TPRG1: variants seen among roughly 807,000 people sequenced by gnomAD.
TPRG1 encodes the protein tumor protein p63-regulated gene 1 protein.
In TPRG1, 29 loss-of-function variants were observed where a neutral mutation model predicts 29.3. The ratio of observed to expected loss-of-function variants is 0.99; its 90% CI spans 0.74 to 1.35. The LOEUF is 1.35. TPRG1 is among the 40% of genes most tolerant of loss of function. The pLI is 0.00. For synonymous variants in TPRG1, 130 were observed against 116.8 expected (o/e 1.11, Z -0.73); for missense variants, 327 against 335.0 (o/e 0.98, Z 0.19).
chr3:189,278,499 T>C (rs1235853211), intron 4 of TPRG1, among the ~76,000 whole-genome samples: 1 of 152,216 alleles, frequency 6.6e-6, no homozygotes, highest in Non-Finnish European at 1.5e-5. Context: ...TAAATGATGC[T>C]ATGAACAATG....
intron 4 of TPRG1, among the ~76,000 whole-genome samples, chr3:189,305,951 T>C (rs1721565051): frequency 6.6e-6 from 1 of 152,220 alleles, no homozygotes; most frequent in South Asian, 2.1e-4. Context: ...CAGATCCAGC[T>C]GTTTTCCTTG....
chr3:189,313,320 G>A (rs1722999834), intron 5 of TPRG1: 1 of 152,160 alleles, frequency 6.6e-6, no homozygotes, highest in Non-Finnish European at 1.5e-5. Context: ...TAAATAAGAA[G>A]AAAGATAATT....
At chr3:189,196,712 C>A (rs868433500) in intron 1 of TPRG1, among the ~76,000 whole-genome samples, 2 of 152,080 alleles carry the variant, frequency 1.3e-5, no homozygotes, top group Non-Finnish European at 2.9e-5. Flanking sequence ...GGGACACAGC[C>A]AAATCATATC....
intron 4 of TPRG1, among the ~76,000 whole-genome samples, chr3:189,029,499 A>G (rs1351226559): frequency 6.6e-6 from 1 of 152,246 alleles, no homozygotes; most frequent in East Asian, 1.9e-4. Flanking sequence ...TTTCCCAAGC[A>G]GGCCCACACA....
At chr3:189,057,142 A>G (rs1715752786) in intron 4 of TPRG1, among the ~76,000 whole-genome samples, 1 of 152,192 alleles carries the variant, frequency 6.6e-6, no homozygotes, top group Admixed American at 6.5e-5. Flanking sequence ...GCACAGGCTG[A>G]GTGAGAAAAT....
intron 1 of TPRG1, among the ~76,000 whole-genome samples, chr3:189,172,909 C>G (rs548786431): frequency 6.6e-6 from 1 of 152,222 alleles, no homozygotes; most frequent in South Asian, 2.1e-4. Context: ...ATCATACAGG[C>G]CCTGGGGAAA....
At chr3:189,276,976 C>T (rs556117006) in intron 4 of TPRG1, among the ~76,000 whole-genome samples, 1 of 152,184 alleles carries the variant, frequency 6.6e-6, no homozygotes, top group South Asian at 2.1e-4. Context: ...TCATAGTAGC[C>T]TCCTCTCTTT....
chr3:189,116,013 T>C (rs931136458), intron 1 of TPRG1, among the ~76,000 whole-genome samples: 5 of 152,148 alleles, frequency 3.3e-5, no homozygotes, highest in African/African-American at 1.2e-4. Context: ...GTGGAGAAAC[T>C]GGAACCCTTG....
At chr3:189,283,833 CAG>C (rs1017358254) in intron 4 of TPRG1, among the ~76,000 whole-genome samples, 20 of 152,330 alleles carry the variant, frequency 1.3e-4, no homozygotes, top group African/African-American at 4.6e-4. Context: ...GTCTAGATCA[CAG>C]AGCTAGTAAC....
At chr3:189,109,667 A>G (rs1385810967) in intron 1 of TPRG1, among the ~76,000 whole-genome samples, 1 of 152,092 alleles carries the variant, frequency 6.6e-6, no homozygotes, top group Non-Finnish European at 1.5e-5. Context: ...ATCAATAACT[A>G]TTTTTCTTTT....
At chr3:189,259,499 C>CAACA (rs1712600806) in intron 4 of TPRG1, among the ~76,000 whole-genome samples, 1 of 114,386 alleles carries the variant, frequency 8.7e-6, no homozygotes, top group African/African-American at 3.4e-5. Context: ...AAGTCTTGCT[C>CAACA]TGTTGCCCAG....
intron 4 of TPRG1, among the ~76,000 whole-genome samples, chr3:189,043,605 T>C (rs1010578794): frequency 1.3e-5 from 2 of 152,178 alleles, no homozygotes; most frequent in African/African-American, 4.8e-5. Flanking sequence ...CTTAACTCCA[T>C]TACAATTTTT....
intron 5 of TPRG1, among the ~76,000 whole-genome samples, chr3:189,163,872 G>T (rs981901480): frequency 6.6e-6 from 1 of 152,070 alleles, no homozygotes; most frequent in Non-Finnish European, 1.5e-5. Flanking sequence ...CCTGAGGCAC[G>T]CTGGAAACCC....
At chr3:189,124,656 A>G (rs1722242935) in intron 1 of TPRG1, among the ~76,000 whole-genome samples, 1 of 152,076 alleles carries the variant, frequency 6.6e-6, no homozygotes. Context: ...GCAGGAGGCA[A>G]TGTCCTCTCC....
intron 4 of TPRG1, among the ~76,000 whole-genome samples, chr3:189,303,547 G>C (rs1268933590): frequency 1.3e-5 from 2 of 151,332 alleles, no homozygotes; most frequent in African/African-American, 4.9e-5. Flanking sequence ...ATTTTTTTTT[G>C]ACTACCAGTC....
intron 4 of TPRG1, among the ~76,000 whole-genome samples, chr3:189,302,813 G>A (rs1004773947): frequency 6.6e-6 from 1 of 152,100 alleles, no homozygotes; most frequent in Admixed American, 6.6e-5. Flanking sequence ...GAGAAAGAGG[G>A]TATTTTTATC....
intron 1 of TPRG1, among the ~76,000 whole-genome samples, chr3:189,192,702 G>T (rs1288390871): frequency 6.6e-6 from 1 of 152,080 alleles, no homozygotes; most frequent in African/African-American, 2.4e-5. Context: ...TATCATTGTG[G>T]TTTAATGGTT....
upstream of TPRG1, among the ~76,000 whole-genome samples, chr3:189,099,886 C>T (rs561800485): frequency 2.2e-3 from 338 of 152,248 alleles, 1 homozygote; most frequent in Admixed American, 7.1e-3. Context: ...AGAGGAGGCT[C>T]AGTGGCTCCC....
chr3:189,066,094 C>T (rs1716425857), intron 4 of TPRG1, among the ~76,000 whole-genome samples: 1 of 152,084 alleles, frequency 6.6e-6, no homozygotes, highest in Non-Finnish European at 1.5e-5. Flanking sequence ...TTCTTAGACA[C>T]ATACAGCCTA....
Sources: gnomAD v4.1 joint callset for allele counts (sites outside exome capture counted in the v4.1 genomes callset) on GRCh38, gnomAD v4.1.1 for gene constraint, MANE v1.5 for transcripts, NCBI Gene and HGNC (gene_info 2026-07-23, HGNC 2026-07-21) for gene names.